SLC14A2: variants seen among roughly 807,000 people sequenced by gnomAD.
The protein encoded by SLC14A2 is urea transporter 2.
A neutral mutation model predicts 104.6 loss-of-function variants in SLC14A2; 91 were observed. The observed-to-expected ratio is 0.87, with a 90% CI of 0.73 to 1.04. The LOEUF (loss-of-function observed/expected upper bound fraction) is 1.04. SLC14A2 is among the 50% of genes least tolerant of loss of function. The pLI, the probability that SLC14A2 is intolerant of heterozygous loss-of-function variation, is 0.00. For missense variants in SLC14A2, 1,189 were observed against 1,156.0 expected (o/e 1.03, Z -0.41); for synonymous variants, 476 against 466.4 (o/e 1.02, Z -0.27).
At chr18:45,232,289 G>A (rs2084182403) in intron 1 of SLC14A2, among the ~76,000 whole-genome samples, 1 of 152,202 alleles carries the variant, frequency 6.6e-6, no homozygotes, top group South Asian at 2.1e-4. Context: ...GATCAGGAGA[G>A]AGAGAGTGAA....
rs147124093 is a variant in SLC14A2, at chr18:45,471,019, A to G, written c.-124-12214A>G. Among the ~76,000 whole-genome samples, 252 of 152,002 alleles carry G rather than the reference A, an allele frequency of 1.7e-3. 1 individual carries two copies. Among genetic ancestry groups the G allele is most frequent in the African/African-American group, 5.6e-3 (232 of 41,464 alleles). On this transcript the variant is annotated intron_variant, in intron 1 of 20. Coordinates refer to the SLC14A2 transcript ENST00000586448. ...GTGTGTGTGTTGTAATCCTAAAGTC[A>G]TTAACAACCCACCACCAGTTCTTCT...
intron 2 of SLC14A2, among the ~76,000 whole-genome samples, chr18:45,535,446 C>T (rs181324689): frequency 6.6e-5 from 10 of 152,256 alleles, no homozygotes; most frequent in African/African-American, 9.6e-5. Flanking sequence ...TCCGTTACTC[C>T]GTAGCGTTCT....
intron 1 of SLC14A2, among the ~76,000 whole-genome samples, chr18:45,410,154 C>T (rs1290666699): frequency 1.3e-5 from 2 of 152,066 alleles, no homozygotes; most frequent in East Asian, 1.9e-4. Flanking sequence ...TGACAGGAGG[C>T]GGAGCTCAGG....
intron 1 of SLC14A2, among the ~76,000 whole-genome samples, chr18:45,374,726 T>C (rs1320828490): frequency 6.6e-6 from 1 of 150,934 alleles, no homozygotes; most frequent in African/African-American, 2.5e-5. Context: ...TCAGTTACTT[T>C]GTACTTTGTA....
At chr18:45,413,535 C>T (rs1261293819) in intron 1 of SLC14A2, among the ~76,000 whole-genome samples, 4 of 151,956 alleles carry the variant, frequency 2.6e-5, no homozygotes, top group Non-Finnish European at 5.9e-5. Context: ...GACCCTAGTT[C>T]CTGACTTTCA....
At chr18:45,617,208 C>G (rs761621586) in intron 1 of SLC14A2, among the ~76,000 whole-genome samples, 8 of 152,200 alleles carry the variant, frequency 5.3e-5, no homozygotes, top group Non-Finnish European at 1.0e-4. Context: ...GCTCTCTCCC[C>G]CACCTCATCT....
the SLC14A2 span, among the ~76,000 whole-genome samples, chr18:45,198,050 A>G: frequency 6.6e-6 from 1 of 152,212 alleles, no homozygotes; most frequent in Non-Finnish European, 1.5e-5. Context: ...GAATATTGGT[A>G]TAATAAGAGA....
chr18:45,571,353 CTCT>C (rs530347180), intron 2 of SLC14A2, among the ~76,000 whole-genome samples: 181 of 152,380 alleles, frequency 1.2e-3, no homozygotes, highest in Admixed American at 2.5e-3. Flanking sequence ...TGGCAGCCTG[CTCT>C]TTTCTCTGGA....
intron 2 of SLC14A2, among the ~76,000 whole-genome samples, chr18:45,495,887 A>G (rs1302191564): frequency 1.3e-5 from 2 of 152,210 alleles, no homozygotes; most frequent in Non-Finnish European, 2.9e-5. Flanking sequence ...CTGCTATCCC[A>G]GCACCTTGGC....
At chr18:45,519,966 A>C (rs934747235) in intron 2 of SLC14A2, among the ~76,000 whole-genome samples, 1 of 152,210 alleles carries the variant, frequency 6.6e-6, no homozygotes. Flanking sequence ...AGGCCCTTGC[A>C]TACATGGATG....
At chr18:45,631,704 C>A in intron 4 of SLC14A2, among the ~76,000 whole-genome samples, 1 of 152,228 alleles carries the variant, frequency 6.6e-6, no homozygotes, top group Non-Finnish European at 1.5e-5. Flanking sequence ...TCACTGCAGC[C>A]TCAACTTCCT....
At chr18:45,489,279 G>A (rs2087673692) in intron 2 of SLC14A2, among the ~76,000 whole-genome samples, 1 of 152,168 alleles carries the variant, frequency 6.6e-6, no homozygotes, top group African/African-American at 2.4e-5. Flanking sequence ...GAGAGGCTGA[G>A]GCCAGCAGAT....
chr18:45,662,837 G>A (rs2045955463), intron 10 of SLC14A2, among the ~76,000 whole-genome samples: 1 of 152,130 alleles, frequency 6.6e-6, no homozygotes, highest in Admixed American at 6.5e-5. Context: ...AGGTAAAACT[G>A]CATACCCCCC....
chr18:45,626,862 G>T, intron 3 of SLC14A2, 96 bp from the exon 4 acceptor site: 1 of 703,722 alleles, frequency 1.4e-6, no homozygotes, highest in Non-Finnish European at 2.2e-6. Flanking sequence ...GTCCTGGCTT[G>T]CACATTCCTG....
chr18:45,604,138 G>A (rs140048030), intron 2 of SLC14A2, among the ~76,000 whole-genome samples: 1 of 152,288 alleles, frequency 6.6e-6, no homozygotes, highest in Non-Finnish European at 1.5e-5. Context: ...CCTATGTAGT[G>A]CCATTTTGTC....
rs75485259 is a variant in SLC14A2 at position 45,329,057 on chromosome 18, T to C, written c.-125+115866T>C. Among the ~76,000 whole-genome samples the C allele has an allele frequency of 7.5e-3, 1,144 of 152,204 alleles. 12 individuals carry two copies. Among genetic ancestry groups the C allele is most frequent in the Non-Finnish European group, 0.012 (845 of 67,998 alleles). On this transcript the variant is annotated intron_variant, in intron 1 of 20. Transcript: ENST00000586448. ...AACTGTGAAATTTTCTACACTCTAATGGAGCATTCAAAGTGAAAGAAAAAA... is the reference window on the plus strand; with the variant it reads ...AACTGTGAAATTTTCTACACTCTAACGGAGCATTCAAAGTGAAAGAAAAAA...
chr18:45,577,908 T>A (rs2044437363), intron 2 of SLC14A2, among the ~76,000 whole-genome samples: 4 of 152,140 alleles, frequency 2.6e-5, no homozygotes, highest in Admixed American at 1.3e-4. Flanking sequence ...AATAATAAAT[T>A]ATTCTTTGGG....
intron 2 of SLC14A2, among the ~76,000 whole-genome samples, chr18:45,511,539 C>T (rs889770742): frequency 1.3e-5 from 2 of 152,132 alleles, no homozygotes; most frequent in South Asian, 2.1e-4. Flanking sequence ...TACAGATTAC[C>T]TTATCACAGT....
chr18:45,497,345 G>A (rs1474002330), intron 2 of SLC14A2, among the ~76,000 whole-genome samples: 2 of 152,194 alleles, frequency 1.3e-5, no homozygotes, highest in Non-Finnish European at 2.9e-5. Context: ...TGTTAGGCCA[G>A]TGAGGATACA....
Sources: allele counts gnomAD v4.1 joint callset (sites outside exome capture counted in the v4.1 genomes callset), GRCh38; gene constraint gnomAD v4.1.1; transcripts MANE v1.5; gene names NCBI Gene and HGNC (gene_info 2026-07-23, HGNC 2026-07-21).